The following RBFOX3 variants were observed in gnomAD, a reference collection of about 807,000 sequenced individuals.
The protein encoded by RBFOX3 is RNA binding protein fox-1 homolog 3.
Under a neutral mutation model 48.7 loss-of-function variants are expected in RBFOX3, and 17 were observed. That is an observed-to-expected ratio of 0.35 (90% CI 0.24 to 0.52). The LOEUF (loss-of-function observed/expected upper bound fraction) is 0.52, where lower values mean the gene tolerates loss of function less well. RBFOX3 is among the 20% of genes least tolerant of loss of function. The pLI is 0.94. For missense variants in RBFOX3, 382 were observed against 497.5 expected (o/e 0.77, Z 2.21); for synonymous variants, 212 against 209.5 (o/e 1.01, Z -0.10).
chr17:79,137,237 GCACA>G (rs4012813), intron 4 of RBFOX3, among the ~76,000 whole-genome samples: 36 of 150,290 alleles, frequency 2.4e-4, no homozygotes, highest in East Asian at 1.4e-3. Context: ...CCCTCTTCAT[GCACA>G]CACACACACA....
intron 2 of RBFOX3, among the ~76,000 whole-genome samples, chr17:79,447,277 A>G (rs2072527803): frequency 6.6e-6 from 1 of 152,188 alleles, no homozygotes; most frequent in African/African-American, 2.4e-5. Context: ...TGAGAGGCCC[A>G]TGAGCAAATC....
chr17:79,656,335 C>T, the RBFOX3 span, among the ~76,000 whole-genome samples: 2 of 152,138 alleles, frequency 1.3e-5, no homozygotes, highest in African/African-American at 2.4e-5. Context: ...TGGACAAGGC[C>T]GGGCACGGTG....
At chr17:79,355,092 A>G (rs2084714870) in intron 2 of RBFOX3, among the ~76,000 whole-genome samples, 2 of 152,122 alleles carry the variant, frequency 1.3e-5, no homozygotes, top group African/African-American at 2.4e-5. Flanking sequence ...CTCGGATTCC[A>G]CTTTCTCACC....
At chr17:79,114,454 A>T (rs2033203818) in intron 5 of RBFOX3, among the ~76,000 whole-genome samples, 1 of 152,160 alleles carries the variant, frequency 6.6e-6, no homozygotes. Context: ...CCAGCCCAGG[A>T]GGTGGCTGGG....
intron 2 of RBFOX3, among the ~76,000 whole-genome samples, chr17:79,464,577 G>A (rs961524963): frequency 1.3e-5 from 2 of 152,252 alleles, no homozygotes; most frequent in Non-Finnish European, 2.9e-5. Flanking sequence ...GGGAGGCAAG[G>A]AGAAGGGAGG....
chr17:79,383,383 G>A (rs1038200596), intron 2 of RBFOX3, among the ~76,000 whole-genome samples: 6 of 152,240 alleles, frequency 3.9e-5, no homozygotes, highest in East Asian at 1.9e-4. Flanking sequence ...CGGCCGCGGC[G>A]GTGCACCAGT....
chr17:79,150,274 G>C (rs948665860), intron 4 of RBFOX3, among the ~76,000 whole-genome samples: 3 of 151,990 alleles, frequency 2.0e-5, no homozygotes, highest in Non-Finnish European at 4.4e-5. Flanking sequence ...GGGGGTCCTG[G>C]CTGGGGCCCA....
rs1332700365 is a variant in RBFOX3, at chr17:79,115,624, T to C, written c.92A>G (p.Gln31Arg). 2.1e-5 allele frequency: 25 copies of C among 1,181,786 alleles called. 1 individual carries two copies. Among genetic ancestry groups the C allele is most frequent in the Admixed American group, 1.5e-4 (4 of 26,446 alleles). 73.2% of individuals were successfully genotyped at this position (1,181,786 alleles called of 1,614,324 possible). ...EYAPPPPHPTQDYSGQTPVPT... is the reference protein window; with the variant it reads ...EYAPPPPHPTRDYSGQTPVPT... The stretch of plus-strand genomic sequence containing the variant: ...GACCGGGGTCTGGCCGGAGTAGTCC[T>C]GCGTGGGGTGCGGTGGGGGCGGGGC... Residue 31 changes from glutamine to arginine, a missense_variant, in exon 5 of 15, where the codon CAG (glutamine) becomes CGG (arginine). Around this residue, in one of 3 missense-constraint regions of RBFOX3, gnomAD observed 118 missense variants for 132.1 expected, o/e 0.89. Transcript: ENST00000693108.
chr17:79,497,231 G>C (rs1370828141), intron 1 of RBFOX3, among the ~76,000 whole-genome samples: 5 of 152,150 alleles, frequency 3.3e-5, no homozygotes, highest in Non-Finnish European at 7.3e-5. Flanking sequence ...TGGCTATAAT[G>C]GTACAGATAT....
chr17:79,434,734 A>C (rs1555730166), intron 2 of RBFOX3, among the ~76,000 whole-genome samples: 1 of 152,210 alleles, frequency 6.6e-6, no homozygotes, highest in Non-Finnish European at 1.5e-5. Flanking sequence ...GAGAGGATTC[A>C]ATTCATAGTA....
intron 2 of RBFOX3, among the ~76,000 whole-genome samples, chr17:79,394,995 G>A (rs971304898): frequency 6.6e-6 from 1 of 152,238 alleles, no homozygotes; most frequent in African/African-American, 2.4e-5. Context: ...GTTAAGTGCA[G>A]CCTTCCAGAA....
rs376731085 is a variant in RBFOX3 at position 79,222,456 on chromosome 17, A to G, written c.-34+13310T>C. ...ACCCTGCTCCAGGGCTGTTTGGGGA[A>G]GCTCCTGTTCTTTTGAAAGGGCCAG... is the stretch of plus-strand genomic sequence containing the variant. On this transcript the variant is annotated intron_variant, in intron 4 of 14. Coordinates refer to ENST00000693108, the MANE Select transcript of RBFOX3 (RefSeq NM_001350451.2). Among the ~76,000 whole-genome samples, 129 of 152,346 alleles carry G rather than the reference A, an allele frequency of 8.5e-4. 2 individuals are homozygous for G. In the South Asian group the frequency reaches 0.024, roughly 29 times the overall value.
At chr17:79,592,464 T>C (rs1405146236) in intron 1 of RBFOX3, among the ~76,000 whole-genome samples, 1 of 151,888 alleles carries the variant, frequency 6.6e-6, no homozygotes, top group Admixed American at 6.6e-5. Context: ...TGTGCATGTG[T>C]GTAGTGTGTG....
intron 3 of RBFOX3, among the ~76,000 whole-genome samples, chr17:79,288,164 G>C (rs928134379): frequency 3.3e-5 from 5 of 152,082 alleles, no homozygotes; most frequent in South Asian, 4.2e-4. Flanking sequence ...CCTCAGCCCT[G>C]CTCCCACCTG....
chr17:79,112,099 C>T (rs374459783), intron 5 of RBFOX3, among the ~76,000 whole-genome samples: 10 of 152,268 alleles, frequency 6.6e-5, no homozygotes, highest in East Asian at 3.9e-4. Flanking sequence ...TATTTCTGGA[C>T]GGTGAAAAGA....
the RBFOX3 span, among the ~76,000 whole-genome samples, chr17:79,656,871 G>GGGAA: frequency 1.8e-3 from 108 of 59,722 alleles, no homozygotes; most frequent in Admixed American, 2.1e-3. Flanking sequence ...GAGGGAGGGA[G>GGGAA]GGAAGGAAGG....
rs540973037 is a variant in RBFOX3 at position 79,395,668 on chromosome 17, C to T, written c.-175+86786G>A. On this transcript the variant is annotated intron_variant, in intron 2 of 14. Transcript: ENST00000693108. ...AGTGGGTCATCTCCCCCAACCCCAA[C>T]GGGTGGGACTGGTGGTCTTTCGCTT... Among the ~76,000 whole-genome samples, 95 of 152,336 alleles carry T rather than the reference C, an allele frequency of 6.2e-4. 1 individual carries two copies. The highest frequency in any genetic ancestry group is 2.0e-3 in the African/African-American group (83 of 41,568).
intron 5 of RBFOX3, among the ~76,000 whole-genome samples, chr17:79,114,700 G>A (rs759535904): frequency 1.3e-5 from 2 of 152,206 alleles, no homozygotes; most frequent in Non-Finnish European, 2.9e-5. Flanking sequence ...CACATCCAGC[G>A]GCTGGGACAG....
chr17:79,270,418 G>A (rs567424826), intron 3 of RBFOX3, among the ~76,000 whole-genome samples: 1 of 152,250 alleles, frequency 6.6e-6, no homozygotes, highest in Non-Finnish European at 1.5e-5. Context: ...CCCAGCTCAA[G>A]AGCGGGCACC....
Sources: allele counts gnomAD v4.1 joint callset (sites outside exome capture counted in the v4.1 genomes callset), GRCh38; gene constraint gnomAD v4.1.1; regional missense constraint gnomAD v4.1.1; transcripts MANE v1.5; gene names NCBI Gene and HGNC (gene_info 2026-07-23, HGNC 2026-07-21).